PHLPP1: variants seen among roughly 807,000 people sequenced by gnomAD.
The protein encoded by PHLPP1 is PH domain leucine-rich repeat-containing protein phosphatase 1.
In PHLPP1, 42 loss-of-function variants were observed where a neutral mutation model predicts 117.2. That is an observed-to-expected ratio of 0.36 (90% CI 0.28 to 0.46). The LOEUF (loss-of-function observed/expected upper bound fraction) is 0.46. Among genes scored for constraint, PHLPP1 ranks in the 20% least tolerant of loss-of-function variants. The probability of loss-of-function intolerance (pLI) is 1.00; values close to 1 mark genes in which losing one functional copy is unlikely to be tolerated. For missense variants in PHLPP1, 2,084 were observed against 2,241.9 expected, an observed-to-expected ratio of 0.93 and a Z score of 1.42; for synonymous variants, 1,042 against 970.7, an observed-to-expected ratio of 1.07 and a Z score of -1.37.
At chr18:62,874,590 A>G (rs1243685974) in intron 4 of PHLPP1, among the ~76,000 whole-genome samples, 1 of 152,122 alleles carries the variant, frequency 6.6e-6, no homozygotes, top group Non-Finnish European at 1.5e-5. Context: ...CCCGGCAGCT[A>G]AGAGTGCCAG....
intron 1 of PHLPP1, among the ~76,000 whole-genome samples, chr18:62,806,750 A>G (rs1043925395): frequency 5.9e-5 from 9 of 152,148 alleles, no homozygotes; most frequent in Non-Finnish European, 1.0e-4. Context: ...ATAATTTTCT[A>G]TTTATCTACA....
chr18:62,953,629 T>A (rs1264186440), intron 12 of PHLPP1, among the ~76,000 whole-genome samples: 1 of 152,246 alleles, frequency 6.6e-6, no homozygotes, highest in African/African-American at 2.4e-5. Flanking sequence ...TCTCCATATG[T>A]CCCTGATGAT....
At chr18:62,820,234 T>C (rs1914407815) in intron 1 of PHLPP1, among the ~76,000 whole-genome samples, 1 of 152,206 alleles carries the variant, frequency 6.6e-6, no homozygotes, top group African/African-American at 2.4e-5. Flanking sequence ...AATAGACAGA[T>C]CCACAATTAT....
chr18:62,879,975 C>G (rs1050356774), intron 4 of PHLPP1, among the ~76,000 whole-genome samples: 1 of 152,008 alleles, frequency 6.6e-6, no homozygotes, highest in African/African-American at 2.4e-5. Flanking sequence ...CTTCCTCCCC[C>G]CACCCCCCAA....
rs567111733 is a variant in PHLPP1, at chr18:62,838,781, T to A, written c.1774-3T>A. On this transcript the variant is annotated splice_region_variant and splice_polypyrimidine_tract_variant and intron_variant, in intron 2 of 16. Coordinates refer to ENST00000262719, the MANE Select transcript of PHLPP1 (RefSeq NM_194449.4). ...TTCTGCTTCTCTCTGTTTGCTTTTA[T>A]AGGTAGAAGAAGTGAAAAAGCACCA... 3.2e-5 allele frequency: 51 copies of A among 1,613,692 alleles called. No homozygotes were observed. In the Admixed American group the frequency reaches 4.7e-4, roughly 15 times the overall value.
At position 62,979,378 on chromosome 18, in the gene PHLPP1, C is replaced by T. The variant is rs1003057775; in HGVS notation, c.5101C>T (p.Pro1701Ser). 5 of 1,550,290 alleles carry T rather than the reference C, an allele frequency of 3.2e-6. No homozygotes were observed. The African/African-American group carries it at 6.8e-5, about 21-fold the overall frequency. ...PPPPQLQPQL[P>S]RHYQLDQLPD... ...ACCCCCTCAGCTCCAGCCGCAGCTG[C>T]CGCGGCACTACCAGCTGGACCAGCT... The change falls in exon 17 of 17, where the codon CCG (proline) becomes TCG (serine). Residue 1701 changes from proline (P) to serine (S), a missense_variant. Coordinates refer to ENST00000262719, the MANE Select transcript of PHLPP1 (RefSeq NM_194449.4).
At position 62,816,350 on chromosome 18, in the gene PHLPP1, G is replaced by A. The variant is rs2144316517; in HGVS notation, c.1577-13685G>A. ...GGAGGCCGAGGTGGGCGGATCATGA[G>A]GTCAGGAGTTCAAGACCAGCCCAAG... On this transcript the variant is annotated intron_variant, in intron 1 of 16. Transcript: ENST00000262719. Among the ~76,000 whole-genome samples the A allele has an allele frequency of 2.0e-5, 3 of 152,238 alleles. No homozygotes were observed. In the South Asian group the frequency reaches 6.2e-4, roughly 32 times the overall value.
chr18:62,784,945 G>T (rs1225661033), intron 1 of PHLPP1, among the ~76,000 whole-genome samples: 5 of 152,102 alleles, frequency 3.3e-5, no homozygotes, highest in African/African-American at 1.2e-4. Context: ...GCTAGAGGAG[G>T]GGAGAATAAT....
intron 13 of PHLPP1, 109 bp from the exon 14 acceptor site, chr18:62,963,259 G>A (rs1002206158): frequency 1.2e-5 from 8 of 669,814 alleles, no homozygotes; most frequent in Non-Finnish European, 1.8e-5. Flanking sequence ...GTAAGAAATG[G>A]TAAGTACAGA....
At chr18:62,923,489 G>A (rs1279827303) in intron 10 of PHLPP1, among the ~76,000 whole-genome samples, 1 of 152,098 alleles carries the variant, frequency 6.6e-6, no homozygotes, top group Non-Finnish European at 1.5e-5. Flanking sequence ...ATTATCTTGG[G>A]CAGACAGGAT....
chr18:62,955,472 G>C (rs769364789), intron 12 of PHLPP1, among the ~76,000 whole-genome samples: 2 of 152,116 alleles, frequency 1.3e-5, no homozygotes, highest in African/African-American at 4.8e-5. Flanking sequence ...AGAGCCCTCC[G>C]GGGGAAATGG....
intron 1 of PHLPP1, among the ~76,000 whole-genome samples, chr18:62,768,992 T>A (rs1912655064): frequency 6.6e-6 from 1 of 152,196 alleles, no homozygotes; most frequent in Non-Finnish European, 1.5e-5. Context: ...TCATTGATCA[T>A]CAAGGTTGAA....
chr18:62,750,147 C>T (rs1325244701), intron 1 of PHLPP1, among the ~76,000 whole-genome samples: 2 of 152,178 alleles, frequency 1.3e-5, no homozygotes, highest in African/African-American at 4.8e-5. Context: ...AATATAGTTA[C>T]ATTTTGAGGT....
At chr18:62,919,039 AGGT>A (rs1180394136) in intron 9 of PHLPP1, among the ~76,000 whole-genome samples, 1 of 152,176 alleles carries the variant, frequency 6.6e-6, no homozygotes, top group African/African-American at 2.4e-5. Context: ...GGAAAACAGG[AGGT>A]GGATGAGGAA....
At position 62,838,768 on chromosome 18, in the gene PHLPP1, C is replaced by T; in HGVS notation, c.1774-16C>T. The T allele has an allele frequency of 1.2e-6, 2 of 1,608,590 alleles. No homozygotes were observed. The highest frequency in any genetic ancestry group is 1.4e-5 in the African/African-American group (1 of 73,158). ...CTGTCTGACTTGTTTCTGCTTCTCT[C>T]TGTTTGCTTTTATAGGTAGAAGAAG... On this transcript the variant is annotated splice_polypyrimidine_tract_variant and intron_variant, in intron 2 of 16. Transcript: ENST00000262719.
At chr18:62,775,653 A>T (rs953148615) in intron 1 of PHLPP1, among the ~76,000 whole-genome samples, 1 of 152,194 alleles carries the variant, frequency 6.6e-6, no homozygotes, top group African/African-American at 2.4e-5. Flanking sequence ...TCGACTAATG[A>T]CACTATCATT....
chr18:62,818,029 AT>A (rs1914343636), intron 1 of PHLPP1, among the ~76,000 whole-genome samples: 1 of 151,516 alleles, frequency 6.6e-6, no homozygotes, highest in African/African-American at 2.4e-5. Flanking sequence ...TAATTTTTGT[AT>A]GTTTAGCCGA....
intron 1 of PHLPP1, among the ~76,000 whole-genome samples, chr18:62,766,076 A>AAAAAATATATATATATATATATATATAT: frequency 4.6e-5 from 1 of 21,652 alleles, no homozygotes; most frequent in Non-Finnish European, 8.5e-5. Flanking sequence ...AAAAAAAAAA[A>AAAAAATATATATATATATATATATATAT]ATATATATAT....
intron 6 of PHLPP1, among the ~76,000 whole-genome samples, chr18:62,896,516 C>T (rs1007627742): frequency 3.9e-5 from 6 of 151,914 alleles, no homozygotes; most frequent in African/African-American, 7.2e-5. Flanking sequence ...AGGATGGTCT[C>T]GATCTCCTGA....
Sources: gnomAD v4.1 joint callset for allele counts (sites outside exome capture counted in the v4.1 genomes callset) on GRCh38, gnomAD v4.1.1 for gene constraint, MANE v1.5 for transcripts, NCBI Gene and HGNC (gene_info 2026-07-23, HGNC 2026-07-21) for gene names.